Variants in LDLRAD3 observed in about 807,000 individuals in gnomAD.
LDLRAD3 encodes low-density lipoprotein receptor class A domain-containing protein 3.
A neutral mutation model predicts 29.4 loss-of-function variants in LDLRAD3; 20 were observed. The observed-to-expected ratio is 0.68, with a 90% CI of 0.48 to 0.99. LDLRAD3 has a LOEUF of 0.99. Among genes scored for constraint, LDLRAD3 ranks in the 50% least tolerant of loss-of-function variants. The pLI, the probability that LDLRAD3 is intolerant of heterozygous loss-of-function variation, is 0.00. For synonymous variants in LDLRAD3, 157 were observed against 192.7 expected (o/e 0.81, Z 1.53); for missense variants, 420 against 454.3 (o/e 0.92, Z 0.69).
intron 4 of LDLRAD3, among the ~76,000 whole-genome samples, chr11:36,111,712 G>A (rs1853607906): frequency 6.6e-6 from 1 of 151,608 alleles, no homozygotes. Context: ...GCACTTCTCT[G>A]CCTCACTCTC....
intron 4 of LDLRAD3, among the ~76,000 whole-genome samples, chr11:36,158,539 T>TTTG (rs1554969590): frequency 6.6e-6 from 1 of 151,022 alleles, no homozygotes; most frequent in African/African-American, 2.4e-5. Context: ...TTTTTTTTTT[T>TTTG]TTTTGCCACA....
chr11:36,023,133 T>G (rs1840176477), intron 1 of LDLRAD3, among the ~76,000 whole-genome samples: 1 of 152,214 alleles, frequency 6.6e-6, no homozygotes, highest in Non-Finnish European at 1.5e-5. Context: ...CTGGTTAATA[T>G]GCACACCCTC....
chr11:36,026,114 A>G (rs1232940103), intron 1 of LDLRAD3, among the ~76,000 whole-genome samples: 1 of 152,160 alleles, frequency 6.6e-6, no homozygotes, highest in Non-Finnish European at 1.5e-5. Flanking sequence ...GTACATTTAA[A>G]AAATCTGTAT....
At chr11:36,045,921 A>G (rs185786582) in intron 2 of LDLRAD3, among the ~76,000 whole-genome samples, 299 of 151,644 alleles carry the variant, frequency 2.0e-3, no homozygotes, top group African/African-American at 6.5e-3. Context: ...AGGTTTTAAG[A>G]CCCGCGTGCA....
Position 35,944,198 on chromosome 11 carries a change from G to T in LDLRAD3, c.46+54G>T, listed in dbSNP as rs1484988559. ...CCGCGGGGCGCGGGGCGCGGGGCGC[G>T]GGGCGCAGCGGCCGGGTGCGATCGC... On this transcript the variant is annotated intron_variant, in intron 1 of 5. Coordinates refer to ENST00000315571, the MANE Select transcript of LDLRAD3 (RefSeq NM_174902.4). This position sits in a 1 kb window ranked among gnomAD's most constrained non-coding sequence, Gnocchi z 4.9. 13 of 949,032 alleles carry T rather than the reference G, an allele frequency of 1.4e-5. No individual in the cohort carries two copies. Among genetic ancestry groups the T allele is most frequent in the Admixed American group, 6.2e-5 (1 of 16,240 alleles). The allele number at this position is 949,032 out of a possible 1,614,324, so 58.8% of individuals were successfully genotyped here.
At chr11:36,046,115 C>G (rs557506834) in intron 2 of LDLRAD3, among the ~76,000 whole-genome samples, 60 of 152,268 alleles carry the variant, frequency 3.9e-4, no homozygotes, top group African/African-American at 1.3e-3. Flanking sequence ...CTTCCAGCTT[C>G]ATCCATGTCC....
At chr11:36,029,763 G>A (rs916453738) in intron 1 of LDLRAD3, among the ~76,000 whole-genome samples, 9 of 152,124 alleles carry the variant, frequency 5.9e-5, no homozygotes, top group Admixed American at 3.3e-4. Context: ...AGAAAGGAAC[G>A]AAGCCTTTAT....
intron 2 of LDLRAD3, among the ~76,000 whole-genome samples, chr11:36,042,984 C>T (rs935308706): frequency 6.0e-5 from 9 of 151,038 alleles, no homozygotes; most frequent in Non-Finnish European, 7.4e-5. Context: ...CAAACTAATA[C>T]GACCATCAAA....
intron 4 of LDLRAD3, among the ~76,000 whole-genome samples, chr11:36,168,605 C>G (rs551141962): frequency 1.3e-5 from 2 of 150,550 alleles, no homozygotes; most frequent in African/African-American, 4.9e-5. Context: ...AAGTAAATCC[C>G]AGTTGTGATC....
intron 4 of LDLRAD3, among the ~76,000 whole-genome samples, chr11:36,191,064 A>G (rs2133365711): frequency 6.6e-6 from 1 of 152,358 alleles, no homozygotes; most frequent in Non-Finnish European, 1.5e-5. Context: ...GAGTAAACCA[A>G]GAAAAAGAAA....
chr11:36,107,241 C>T (rs1406850419), intron 4 of LDLRAD3, among the ~76,000 whole-genome samples: 1 of 151,454 alleles, frequency 6.6e-6, no homozygotes, highest in Non-Finnish European at 1.5e-5. Context: ...ACTCTTGTCA[C>T]CCAGGCTGGA....
intron 1 of LDLRAD3, among the ~76,000 whole-genome samples, chr11:35,977,340 A>G (rs964205543): frequency 6.6e-5 from 10 of 152,212 alleles, no homozygotes; most frequent in African/African-American, 1.9e-4. Context: ...CCCATTGGCC[A>G]AAACGCAGCC....
At position 36,227,505 on chromosome 11, in the gene LDLRAD3, G is replaced by T. The variant is rs573561373; in HGVS notation, c.800+75G>T. 4 of 1,146,524 alleles carry T rather than the reference G, an allele frequency of 3.5e-6. No individual in the cohort carries two copies. In the South Asian group the frequency reaches 6.4e-5, roughly 18 times the overall value. The allele number at this position is 1,146,524 out of a possible 1,614,324, so 71.0% of individuals were successfully genotyped here. ...GGAGGGGAATAGGTGCACACACTGA[G>T]GTTCTTAGGTCTTGCCAAGAGCCTG... On this transcript the variant is annotated intron_variant, in intron 5 of 5. Coordinates refer to ENST00000315571, the MANE Select transcript of LDLRAD3 (RefSeq NM_174902.4).
chr11:36,221,002 A>G (rs1565313710), intron 4 of LDLRAD3, among the ~76,000 whole-genome samples: 1 of 152,170 alleles, frequency 6.6e-6, no homozygotes, highest in Non-Finnish European at 1.5e-5. Flanking sequence ...GGGATGAGGA[A>G]GAGTCAGTTT....
At chr11:36,121,703 G>C (rs1313309815) in intron 4 of LDLRAD3, among the ~76,000 whole-genome samples, 1 of 152,234 alleles carries the variant, frequency 6.6e-6, no homozygotes, top group African/African-American at 2.4e-5. Flanking sequence ...TGAGCTATCT[G>C]TTATGATTTA....
intron 1 of LDLRAD3, among the ~76,000 whole-genome samples, chr11:35,987,145 C>T (rs1003297084): frequency 6.6e-6 from 1 of 152,162 alleles, no homozygotes; most frequent in South Asian, 2.1e-4. Flanking sequence ...GGAGGTGGGT[C>T]AAGTACCAGC....
At chr11:36,168,243 T>C (rs1211348686) in intron 4 of LDLRAD3, among the ~76,000 whole-genome samples, 1 of 152,206 alleles carries the variant, frequency 6.6e-6, no homozygotes, top group Non-Finnish European at 1.5e-5. Context: ...AAAGCTAAGA[T>C]TGCTTTAGCC....
intron 3 of LDLRAD3, among the ~76,000 whole-genome samples, chr11:36,095,246 A>G (rs1488416549): frequency 6.6e-6 from 1 of 152,220 alleles, no homozygotes; most frequent in Non-Finnish European, 1.5e-5. Flanking sequence ...TTCCTGGGCC[A>G]TGCCATGTGC....
At chr11:36,047,601 A>G (rs1266210678) in intron 2 of LDLRAD3, among the ~76,000 whole-genome samples, 1 of 152,202 alleles carries the variant, frequency 6.6e-6, no homozygotes, top group Non-Finnish European at 1.5e-5. Context: ...AGATAAATGC[A>G]CCATGTGTGT....
Sources: allele counts gnomAD v4.1 joint callset (sites outside exome capture counted in the v4.1 genomes callset), GRCh38; gene constraint gnomAD v4.1.1; non-coding constraint Gnocchi (gnomAD v3.1); transcripts MANE v1.5; gene names NCBI Gene and HGNC (gene_info 2026-07-23, HGNC 2026-07-21).